The following TM4SF19 variants were observed in gnomAD, a reference collection of about 807,000 sequenced individuals.
TM4SF19 encodes transmembrane 4 L6 family member 19.
A neutral mutation model predicts 21.8 loss-of-function variants in TM4SF19; 17 were observed. That is an observed-to-expected ratio of 0.78 (90% CI 0.53 to 1.17). The LOEUF is 1.17. Ranked by LOEUF, TM4SF19 falls within the 50% of genes most tolerant of loss-of-function variation. The pLI is 0.00. For synonymous variants in TM4SF19, 107 were observed against 106.7 expected, an observed-to-expected ratio of 1.00 and a Z score of -0.02; for missense variants, 216 against 252.1, an observed-to-expected ratio of 0.86 and a Z score of 0.97.
rs920661568 is a variant in TM4SF19 at position 196,324,141 on chromosome 3, T to G, written c.449+130A>C. On this transcript the variant is annotated intron_variant, in intron 4 of 4. Transcript: ENST00000273695. The stretch of plus-strand genomic sequence containing the variant: ...TGACCGTTACTGCTCCATTTGCAAT[T>G]TTCTGAGTATCAGAGGAGCAAGATG... 3 of 1,447,078 alleles carry G rather than the reference T, an allele frequency of 2.1e-6. No individual in the cohort carries two copies. In the South Asian group the frequency reaches 3.5e-5, roughly 17 times the overall value. 89.6% of individuals were successfully genotyped at this position (1,447,078 alleles called of 1,614,324 possible).
intron 1 of TM4SF19, among the ~76,000 whole-genome samples, chr3:196,337,325 G>A (rs1361601583): frequency 6.6e-6 from 1 of 152,134 alleles, no homozygotes; most frequent in Non-Finnish European, 1.5e-5. Flanking sequence ...GACATGAGCA[G>A]GGCGGGAGAG....
At chr3:196,334,039 C>G (rs944244278) in intron 1 of TM4SF19, among the ~76,000 whole-genome samples, 3 of 151,764 alleles carry the variant, frequency 2.0e-5, no homozygotes, top group African/African-American at 7.3e-5. Flanking sequence ...CCAGCCTGGA[C>G]CACAGATCGA....
Position 196,326,935 on chromosome 3 carries a change from GA to G in TM4SF19, c.279+19del, listed in dbSNP as rs753518747. 2 of 1,595,314 alleles carry G rather than the reference GA, an allele frequency of 1.3e-6. No homozygotes were observed. The highest frequency in any genetic ancestry group is 2.7e-5 in the African/African-American group (2 of 74,622). Reference sequence around the variant, plus strand: ...GGTGGAGACATTCTGGGTGTTAGAAGAGTGGAATCTGGTGCTTACGCTTCGA... The same window carrying G: ...GGTGGAGACATTCTGGGTGTTAGAAGGTGGAATCTGGTGCTTACGCTTCGA... On this transcript the variant is annotated intron_variant, in intron 3 of 4. Transcript: ENST00000273695.
intron 1 of TM4SF19, among the ~76,000 whole-genome samples, chr3:196,329,086 G>GGCAT (rs1474957877): frequency 1.9e-3 from 239 of 128,418 alleles, no homozygotes; most frequent in East Asian, 3.2e-3. Flanking sequence ...TGGGATTACA[G>GGCAT]GTGCCCGCCA....
intron 3 of TM4SF19, 125 bp from the exon 4 acceptor site, chr3:196,324,565 C>T: frequency 1.2e-6 from 1 of 859,924 alleles, no homozygotes; most frequent in Non-Finnish European, 1.8e-6. Flanking sequence ...CTGCACAGGT[C>T]TGACTTCTCT....
chr3:196,332,321 G>A (rs980754502), intron 1 of TM4SF19, among the ~76,000 whole-genome samples: 1 of 151,220 alleles, frequency 6.6e-6, no homozygotes, highest in Non-Finnish European at 1.5e-5. Context: ...GCTTGAGGCA[G>A]GAGAATCGCT....
In TM4SF19 at chr3:196,331,642, C is replaced by T. The variant is rs185147163; in HGVS notation, c.-1-4051G>A. Among the ~76,000 whole-genome samples, 394 of 152,084 alleles carry T rather than the reference C, an allele frequency of 2.6e-3. 2 individuals are homozygous for T. Among genetic ancestry groups the T allele is most frequent in the Middle Eastern group, 6.8e-3 (2 of 292 alleles). ...ATCTCTACTAAAAATACAAAACTAG[C>T]CGGGCGTGGTGGCGCATGCCTGTAA... On this transcript the variant is annotated intron_variant, in intron 1 of 4. Coordinates refer to ENST00000273695, the MANE Select transcript of TM4SF19 (RefSeq NM_138461.4).
chr3:196,324,549 G>T, intron 3 of TM4SF19, 109 bp from the exon 4 acceptor site: 1 of 1,169,724 alleles, frequency 8.5e-7, no homozygotes, highest in South Asian at 1.4e-5. Context: ...GAGTCTGTGG[G>T]GCGGTCTGCA....
chr3:196,337,997 A>G (rs1445787411), intron 1 of TM4SF19, among the ~76,000 whole-genome samples: 1 of 152,124 alleles, frequency 6.6e-6, no homozygotes, highest in Non-Finnish European at 1.5e-5. Context: ...ACCTAATCCT[A>G]TCTGGCAGAA....
At chr3:196,327,963 A>G (rs1727365977) in intron 1 of TM4SF19, among the ~76,000 whole-genome samples, 1 of 152,190 alleles carries the variant, frequency 6.6e-6, no homozygotes, top group South Asian at 2.1e-4. Flanking sequence ...CCAGTGCAAT[A>G]CGAAAATAAA....
At position 196,332,507 on chromosome 3, in the gene TM4SF19, AT is replaced by A. The variant is rs527675901; in HGVS notation, c.-1-4917del. Among the ~76,000 whole-genome samples, 262 of 141,418 alleles carry A rather than the reference AT, an allele frequency of 1.9e-3. 3 individuals carry two copies. The highest frequency in any genetic ancestry group is 0.017 in the South Asian group (81 of 4,720). The allele number at this position is 141,418 out of a possible 152,430, so 92.8% of individuals were successfully genotyped here. A position where few individuals can be genotyped will look rare whatever the true frequency, so the allele number is the denominator to read the frequency against. ...GGGGAAGGGGAAGGGAAGAAAAAAA[AT>A]ATATATATATATAAAAGATATGGAT... On this transcript the variant is annotated intron_variant, in intron 1 of 4. Coordinates refer to ENST00000273695, the MANE Select transcript of TM4SF19 (RefSeq NM_138461.4).
At chr3:196,328,464 A>C (rs1727393062) in intron 1 of TM4SF19, among the ~76,000 whole-genome samples, 1 of 152,232 alleles carries the variant, frequency 6.6e-6, no homozygotes, top group Non-Finnish European at 1.5e-5. Flanking sequence ...GCAATGACAA[A>C]TTGAGGATTG....
At chr3:196,330,526 G>C (rs971828168) in intron 1 of TM4SF19, among the ~76,000 whole-genome samples, 4 of 152,170 alleles carry the variant, frequency 2.6e-5, no homozygotes, top group Non-Finnish European at 4.4e-5. Flanking sequence ...AGTTCTATTA[G>C]GTAATAAAAT....
rs1727314248 is a variant in TM4SF19 at position 196,326,934 on chromosome 3, AG to A, written c.279+20del. ...AGGTGGAGACATTCTGGGTGTTAGA[AG>A]AGTGGAATCTGGTGCTTACGCTTCG... On this transcript the variant is annotated intron_variant, in intron 3 of 4. Transcript: ENST00000273695. The A allele has an allele frequency of 6.3e-7, 1 of 1,595,534 alleles. No individual in the cohort carries two copies. Among genetic ancestry groups the A allele is most frequent in the Non-Finnish European group, 8.6e-7 (1 of 1,164,540 alleles).
intron 1 of TM4SF19, among the ~76,000 whole-genome samples, chr3:196,337,684 A>G (rs1029741672): frequency 6.6e-6 from 1 of 152,230 alleles, no homozygotes; most frequent in African/African-American, 2.4e-5. Flanking sequence ...TGCGGCAGGC[A>G]GGCGCCAAGT....
chr3:196,324,194 T>C (rs2108804398), intron 4 of TM4SF19, 77 bp downstream of exon 4: 1 of 1,544,292 alleles, frequency 6.5e-7, no homozygotes, highest in Non-Finnish European at 8.9e-7. Context: ...AAGGAGCTTG[T>C]AGTTCGTCTG....
chr3:196,328,675 A>T (rs759332575), intron 1 of TM4SF19, among the ~76,000 whole-genome samples: 1 of 152,240 alleles, frequency 6.6e-6, no homozygotes, highest in Non-Finnish European at 1.5e-5. Flanking sequence ...AAATTGATGC[A>T]AAGATTTAAA....
chr3:196,327,496 G>A lies in TM4SF19; in HGVS notation c.95C>T (p.Ala32Val). 1 of 1,614,134 alleles carries A rather than the reference G, an allele frequency of 6.2e-7. No homozygotes were observed. The highest frequency in any genetic ancestry group is 8.5e-7 in the Non-Finnish European group (1 of 1,180,040). ...GTTAGGAAGGAGGAGTGCCACGTTG[G>A]CCCCAGCAGCAAACAGGGCTGCAGT... Reference protein sequence around the residue: ...LGTAALFAAGANVALLLPNWD... With the variant: ...LGTAALFAAGVNVALLLPNWD... Residue 32 changes from alanine (A) to valine (V), a missense_variant, in exon 2 of 5, where the codon GCC (alanine) becomes GTC (valine). Transcript: ENST00000273695.
At chr3:196,337,507 G>A (rs1229333714) in intron 1 of TM4SF19, among the ~76,000 whole-genome samples, 1 of 152,180 alleles carries the variant, frequency 6.6e-6, no homozygotes, top group Non-Finnish European at 1.5e-5. Context: ...CTCAGGAATT[G>A]GGCGAGTGGG....
Sources: allele counts gnomAD v4.1 joint callset (sites outside exome capture counted in the v4.1 genomes callset), GRCh38; gene constraint gnomAD v4.1.1; transcripts MANE v1.5; gene names NCBI Gene and HGNC (gene_info 2026-07-23, HGNC 2026-07-21).